Variants in SPHKAP observed in about 807,000 individuals in gnomAD.
SPHKAP encodes SPHK1 interactor, AKAP domain containing.
Under a neutral mutation model 137.5 loss-of-function variants are expected in SPHKAP, and 67 were observed. That is an observed-to-expected ratio of 0.49 (90% CI 0.40 to 0.60). SPHKAP has a LOEUF of 0.60. Ranked by LOEUF, SPHKAP falls within the 20% of genes least tolerant of loss-of-function variation. The pLI is 0.00. For missense variants in SPHKAP, 2,097 were observed against 2,069.3 expected, an observed-to-expected ratio of 1.01 and a Z score of -0.26; for synonymous variants, 813 against 785.3, an observed-to-expected ratio of 1.04 and a Z score of -0.59.
chr2:228,004,523 A>AT (rs1474004045), intron 7 of SPHKAP, among the ~76,000 whole-genome samples: 1 of 152,110 alleles, frequency 6.6e-6, no homozygotes, highest in Non-Finnish European at 1.5e-5. Context: ...GGATTCATTG[A>AT]TTTTATGAAG....
intron 2 of SPHKAP, among the ~76,000 whole-genome samples, chr2:228,116,220 G>A (rs1698706893): frequency 1.3e-5 from 2 of 152,162 alleles, no homozygotes; most frequent in African/African-American, 4.8e-5. Flanking sequence ...GGTCCTATGT[G>A]TTCGTATTGT....
chr2:227,986,039 C>G (rs1247252132), intron 11 of SPHKAP, among the ~76,000 whole-genome samples: 1 of 152,168 alleles, frequency 6.6e-6, no homozygotes, highest in Non-Finnish European at 1.5e-5. Flanking sequence ...AGAGAAGATT[C>G]TGATCTAATT....
intron 2 of SPHKAP, among the ~76,000 whole-genome samples, chr2:228,117,660 T>A (rs1005461904): frequency 3.9e-5 from 6 of 152,252 alleles, no homozygotes; most frequent in Middle Eastern, 3.4e-3. Flanking sequence ...ATTCACTTTT[T>A]ATGTGTAAAG....
rs146340069 is a variant in SPHKAP at position 228,017,348 on chromosome 2, C to T, written c.3506G>A (p.Arg1169Gln). The change falls in exon 7 of 12, where the codon CGG (arginine) becomes CAG (glutamine). Residue 1169 changes from arginine to glutamine, a missense_variant. Transcript: ENST00000392056. ...CCTCACACTGAGGTGGTCACTTTTC[C>T]GGCACGCCTGTTGCATGGCTGAGTT... ...ILNSAMQQACRKSDHLSVRPS... is the reference protein window; with the variant it reads ...ILNSAMQQACQKSDHLSVRPS... The T allele has an allele frequency of 5.8e-5, 93 of 1,613,604 alleles. No homozygotes were observed. Among genetic ancestry groups the T allele is most frequent in the East Asian group, 3.6e-4 (16 of 44,880 alleles).
chr2:228,099,567 CAT>C (rs1698117346), intron 3 of SPHKAP, among the ~76,000 whole-genome samples: 1 of 152,074 alleles, frequency 6.6e-6, no homozygotes, highest in Non-Finnish European at 1.5e-5. Context: ...CAAAAAATGA[CAT>C]TGATAATTTG....
Position 228,019,395 on chromosome 2 carries a change from T to C in SPHKAP, c.1459A>G (p.Asn487Asp). The C allele has an allele frequency of 6.2e-7, 1 of 1,614,186 alleles. No individual in the cohort carries two copies. The highest frequency in any genetic ancestry group is 1.3e-5 in the African/African-American group (1 of 75,062). The change falls in exon 7 of 12, where the codon AAC becomes GAC. Residue 487 changes from asparagine (N) to aspartate (D), a missense_variant. Asn to Asp is a conservative substitution (Grantham distance 23, BLOSUM62 1). Coordinates refer to ENST00000392056, the MANE Select transcript of SPHKAP (RefSeq NM_001142644.2). ...VETSSILSGENSSRQPQSALE... is the reference protein window; with the variant it reads ...VETSSILSGEDSSRQPQSALE... ...GCACTCTGGGGTTGTCTGCTGGAGT[T>C]CTCTCCAGAGAGGATGCTTGAGGTT...
At chr2:228,075,602 A>G (rs1270987148) in intron 3 of SPHKAP, among the ~76,000 whole-genome samples, 3 of 152,182 alleles carry the variant, frequency 2.0e-5, no homozygotes, top group Non-Finnish European at 4.4e-5. Context: ...TAGAGAAAAA[A>G]AGCTAGATTT....
intron 3 of SPHKAP, among the ~76,000 whole-genome samples, chr2:228,066,187 G>T (rs1339923736): frequency 6.6e-6 from 1 of 152,136 alleles, no homozygotes; most frequent in Non-Finnish European, 1.5e-5. Flanking sequence ...TTATACAATG[G>T]AATAAGTGTC....
chr2:227,993,442 A>G, intron 9 of SPHKAP, 92 bp downstream of exon 9: 1 of 1,142,328 alleles, frequency 8.8e-7, no homozygotes, highest in South Asian at 1.3e-5. Flanking sequence ...TGATGAGGTC[A>G]GTGGTTGGGC....
rs11683009 is a variant in SPHKAP, at chr2:228,042,272, G to C, written c.247-14729C>G. ...AGTTCTTACACTTGTATGTTCCTGC[G>C]CTCTGAACCACAACTATTTAATCAA... is the stretch of plus-strand genomic sequence containing the variant. On this transcript the variant is annotated intron_variant, in intron 3 of 11. Transcript: ENST00000392056. Among the ~76,000 whole-genome samples, 248 of 152,206 alleles carry C rather than the reference G, an allele frequency of 1.6e-3. 1 individual carries two copies. The highest frequency in any genetic ancestry group is 7.1e-3 in the South Asian group (34 of 4,814).
Position 228,019,486 on chromosome 2 carries a change from T to C in SPHKAP, c.1368A>G (p.Pro456=), listed in dbSNP as rs781657876. Residue 456 remains proline, a synonymous_variant, in exon 7 of 12, where the codon CCA becomes CCG. Coordinates refer to ENST00000392056, the MANE Select transcript of SPHKAP (RefSeq NM_001142644.2). Reference sequence around the variant, plus strand: ...GCTGTGGGGCAGCATCACTGCCATCTGGACTCTGAACAACGACGATTTTGG... The same window carrying C: ...GCTGTGGGGCAGCATCACTGCCATCCGGACTCTGAACAACGACGATTTTGG... ...ELPKIVVVQS[P]DGSDAAPQPG... 1.9e-6 allele frequency: 3 copies of C among 1,614,100 alleles called. No individual in the cohort carries two copies. The highest frequency in any genetic ancestry group is 2.7e-5 in the African/African-American group (2 of 74,934).
At chr2:228,156,412 G>T (rs1405231855) in intron 1 of SPHKAP, among the ~76,000 whole-genome samples, 2 of 152,060 alleles carry the variant, frequency 1.3e-5, no homozygotes, top group Non-Finnish European at 2.9e-5. Context: ...CATTTTCTAA[G>T]GTAAAGTCTT....
At position 228,131,358 on chromosome 2, in the gene SPHKAP, A is replaced by C. The variant is rs981929113; in HGVS notation, c.138+622T>G. 5.2e-6 allele frequency: 5 copies of C among 963,708 alleles called. No homozygotes were observed. The African/African-American group carries it at 8.8e-5, about 17-fold the overall frequency. The allele number at this position is 963,708 out of a possible 1,614,324, so 59.7% of individuals were successfully genotyped here. On this transcript the variant is annotated intron_variant, in intron 2 of 11. Transcript: ENST00000392056. ...CAGTGACAAAAGCATTAGATGGGGA[A>C]CCAGGATCGTGGACATTCTACTTCA...
At chr2:228,076,167 G>T (rs1697175896) in intron 3 of SPHKAP, among the ~76,000 whole-genome samples, 1 of 152,078 alleles carries the variant, frequency 6.6e-6, no homozygotes, top group Non-Finnish European at 1.5e-5. Context: ...TGATTATGAG[G>T]CCTCCCCCAC....
At chr2:228,092,602 ACATATATATGTGC>A (rs1373862522) in intron 3 of SPHKAP, among the ~76,000 whole-genome samples, 1 of 146,352 alleles carries the variant, frequency 6.8e-6, no homozygotes, top group Non-Finnish European at 1.5e-5. Context: ...ATATGTATAT[ACATATATATGTGC>A]CATATATATG....
chr2:228,127,715 G>C (rs1017125719), intron 2 of SPHKAP, among the ~76,000 whole-genome samples: 14 of 152,046 alleles, frequency 9.2e-5, no homozygotes, highest in African/African-American at 3.4e-4. Context: ...TTGGCTTGTA[G>C]CTTTTAATGA....
intron 2 of SPHKAP, among the ~76,000 whole-genome samples, chr2:228,113,340 A>G (rs1323286874): frequency 1.3e-5 from 2 of 152,112 alleles, no homozygotes; most frequent in Non-Finnish European, 2.9e-5. Flanking sequence ...TAGGCTTGTG[A>G]GGTAAATTCT....
At chr2:228,012,559 A>G (rs1694429577) in intron 7 of SPHKAP, among the ~76,000 whole-genome samples, 1 of 152,166 alleles carries the variant, frequency 6.6e-6, no homozygotes, top group Admixed American at 6.6e-5. Flanking sequence ...ATCACACTGT[A>G]CAATAATATT....
intron 3 of SPHKAP, chr2:228,028,056 G>T: frequency 1.0e-6 from 1 of 985,116 alleles, no homozygotes; most frequent in Non-Finnish European, 1.2e-6. Context: ...CTTCCCACTG[G>T]TCACAACAAA....
Sources: allele counts gnomAD v4.1 joint callset (sites outside exome capture counted in the v4.1 genomes callset), GRCh38; gene constraint gnomAD v4.1.1; transcripts MANE v1.5; gene names NCBI Gene and HGNC (gene_info 2026-07-23, HGNC 2026-07-21).